Variants in NTNG1 observed in about 807,000 individuals in gnomAD.
The protein encoded by NTNG1 is netrin G1.
NTNG1 carries 16 observed loss-of-function variants against 54.0 expected under a neutral mutation model. That is an observed-to-expected ratio of 0.30 (90% CI 0.20 to 0.45). The LOEUF (loss-of-function observed/expected upper bound fraction) is 0.45, where lower values mean the gene tolerates loss of function less well. Ranked by LOEUF, NTNG1 falls within the 20% of genes least tolerant of loss-of-function variation. NTNG1 has a pLI of 1.00. For synonymous variants in NTNG1, 255 were observed against 263.1 expected, an observed-to-expected ratio of 0.97 and a Z score of 0.30; for missense variants, 530 against 678.7, an observed-to-expected ratio of 0.78 and a Z score of 2.43.
intron 2 of NTNG1, among the ~76,000 whole-genome samples, chr1:107,227,688 T>TCTCTCA (rs1043290563): frequency 1.3e-5 from 2 of 148,926 alleles, no homozygotes; most frequent in Non-Finnish European, 3.0e-5. Context: ...TCTCTCTCTC[T>TCTCTCA]CACACACACA....
chr1:107,277,170 C>T (rs1664534995), intron 2 of NTNG1, among the ~76,000 whole-genome samples: 2 of 152,230 alleles, frequency 1.3e-5, no homozygotes, highest in South Asian at 2.1e-4. Context: ...TTGTATCTCT[C>T]AGGAAGTGGC....
At chr1:107,274,995 T>C (rs1664370578) in intron 2 of NTNG1, among the ~76,000 whole-genome samples, 1 of 152,176 alleles carries the variant, frequency 6.6e-6, no homozygotes, top group Non-Finnish European at 1.5e-5. Flanking sequence ...TCTTACCATA[T>C]CTTTGTGCTT....
intron 2 of NTNG1, among the ~76,000 whole-genome samples, chr1:107,237,467 T>A (rs1661488878): frequency 1.3e-5 from 2 of 152,180 alleles, no homozygotes; most frequent in African/African-American, 4.8e-5. Context: ...CTGCAGAAAT[T>A]CACATAAGTA....
chr1:107,275,369 C>T (rs576739731), intron 2 of NTNG1, among the ~76,000 whole-genome samples: 7 of 151,558 alleles, frequency 4.6e-5, no homozygotes, highest in South Asian at 2.1e-4. Flanking sequence ...AGCGAGACTC[C>T]GTCTCAAAAA....
chr1:107,381,987 A>G (rs1166532534), intron 3 of NTNG1, among the ~76,000 whole-genome samples: 3 of 152,148 alleles, frequency 2.0e-5, no homozygotes, highest in African/African-American at 7.2e-5. Context: ...GCCAATTTTC[A>G]TAGTTGGTTT....
chr1:107,226,421 G>A (rs1202624920), intron 2 of NTNG1, among the ~76,000 whole-genome samples: 1 of 151,992 alleles, frequency 6.6e-6, no homozygotes, highest in Non-Finnish European at 1.5e-5. Context: ...CATTGTGTAA[G>A]ATAAGAATTT....
At chr1:107,162,624 G>C (rs1456825162) in intron 2 of NTNG1, among the ~76,000 whole-genome samples, 1 of 152,044 alleles carries the variant, frequency 6.6e-6, no homozygotes, top group Non-Finnish European at 1.5e-5. Context: ...TAAATTATGA[G>C]CAAATTTCTT....
intron 2 of NTNG1, among the ~76,000 whole-genome samples, chr1:107,251,533 C>A (rs894896435): frequency 3.3e-5 from 5 of 152,186 alleles, no homozygotes; most frequent in Non-Finnish European, 7.3e-5. Context: ...ACAAATCCCA[C>A]AAGTTCTGCA....
At position 107,398,036 on chromosome 1, in the gene NTNG1, G is replaced by A. The variant is rs191868241; in HGVS notation, c.1060+2710G>A. The stretch of plus-strand genomic sequence containing the variant: ...ACGTTACAAGTCAGTTATCTATGAG[G>A]GATACTTAGGATATATCATCCCCTA... On this transcript the variant is annotated intron_variant, in intron 4 of 7. Transcript: ENST00000370068. Among the ~76,000 whole-genome samples, 13 of 151,932 alleles carry A rather than the reference G, an allele frequency of 8.6e-5. No homozygotes were observed. The East Asian group carries it at 2.1e-3, about 25-fold the overall frequency.
chr1:107,353,766 A>G (rs956060756), intron 3 of NTNG1, among the ~76,000 whole-genome samples: 1 of 152,210 alleles, frequency 6.6e-6, no homozygotes, highest in Non-Finnish European at 1.5e-5. Flanking sequence ...TAAAGAAAAG[A>G]GATTTAACTG....
chr1:107,194,067 A>G lies in NTNG1; in HGVS notation c.246+45228A>G, dbSNP rs1220625091. 2.0e-5 allele frequency among the ~76,000 whole-genome samples: 3 copies of G among 151,906 alleles called. No homozygotes were observed. The East Asian group carries it at 5.8e-4, about 30-fold the overall frequency. The stretch of plus-strand genomic sequence containing the variant: ...TCTACCAAACTGCTTGAAATCATCA[A>G]CAGACCATGCATTCTGGTCTTTGTA... On this transcript the variant is annotated intron_variant, in intron 2 of 7. Coordinates refer to ENST00000370068, the MANE Select transcript of NTNG1 (RefSeq NM_001113226.3).
intron 3 of NTNG1, among the ~76,000 whole-genome samples, chr1:107,381,376 A>G (rs925574612): frequency 8.7e-6 from 1 of 115,204 alleles, no homozygotes; most frequent in Non-Finnish European, 1.9e-5. Context: ...AAAAAAAAAA[A>G]GTCACTTTAT....
intron 2 of NTNG1, among the ~76,000 whole-genome samples, chr1:107,264,853 C>T (rs1204433539): frequency 1.3e-5 from 2 of 152,292 alleles, no homozygotes; most frequent in African/African-American, 4.8e-5. Context: ...AGGAAACATA[C>T]ATTCACACAT....
At chr1:107,387,424 A>C (rs1343185374) in intron 3 of NTNG1, among the ~76,000 whole-genome samples, 2 of 152,226 alleles carry the variant, frequency 1.3e-5, no homozygotes, top group Non-Finnish European at 2.9e-5. Context: ...CTCAAAGCTT[A>C]CTGTGCATCT....
intron 7 of NTNG1, 28 bp from the exon 8 acceptor site, chr1:107,480,583 C>CCCCCCAAAAAA: frequency 1.3e-6 from 1 of 744,748 alleles, no homozygotes; most frequent in Non-Finnish European, 2.3e-6. Flanking sequence ...CGCGCCCACC[C>CCCCCCAAAAAA]ACCCCTACCT....
Position 107,324,316 on chromosome 1 carries a change from C to G in NTNG1, c.281C>G (p.Ala94Gly). Residue 94 changes from alanine (A) to glycine (G), a missense_variant, in exon 3 of 8, where the codon GCG becomes GGG. By Grantham distance (60) the Ala-to-Gly change is moderately conservative (BLOSUM62 0). This residue lies in a region of NTNG1 where 318 missense variants were observed against 465.1 expected (regional missense o/e 0.68). Coordinates refer to ENST00000370068, the MANE Select transcript of NTNG1 (RefSeq NM_001113226.3). ...NPYMCNNECDASTPELAHPPE... is the reference protein window; with the variant it reads ...NPYMCNNECDGSTPELAHPPE... Reference sequence around the variant, plus strand: ...TACATGTGCAATAATGAGTGTGATGCGAGTACCCCTGAGCTGGCACACCCC... The same window carrying G: ...TACATGTGCAATAATGAGTGTGATGGGAGTACCCCTGAGCTGGCACACCCC... 6.2e-7 allele frequency: 1 copy of G among 1,613,358 alleles called. No homozygotes were observed. The highest frequency in any genetic ancestry group is 8.5e-7 in the Non-Finnish European group (1 of 1,179,630).
intron 2 of NTNG1, among the ~76,000 whole-genome samples, chr1:107,229,865 G>T (rs1192505425): frequency 6.6e-6 from 1 of 152,112 alleles, no homozygotes; most frequent in Non-Finnish European, 1.5e-5. Context: ...GGAAGAAAAT[G>T]CAGTGGTTCC....
chr1:107,324,200 C>A, intron 2 of NTNG1, 82 bp from the exon 3 acceptor site: 1 of 1,282,816 alleles, frequency 7.8e-7, no homozygotes, highest in Non-Finnish European at 1.1e-6. Flanking sequence ...CCTTTTCTAG[C>A]CTCTTACTGA....
At chr1:107,356,586 G>A (rs1669949320) in intron 3 of NTNG1, among the ~76,000 whole-genome samples, 1 of 152,098 alleles carries the variant, frequency 6.6e-6, no homozygotes, top group Admixed American at 6.5e-5. Context: ...GAGCCACCAT[G>A]CCAGCCAGTC....
Sources: gnomAD v4.1 joint callset for allele counts (sites outside exome capture counted in the v4.1 genomes callset) on GRCh38, gnomAD v4.1.1 for gene constraint, gnomAD v4.1.1 regional missense constraint, MANE v1.5 for transcripts, NCBI Gene and HGNC (gene_info 2026-07-23, HGNC 2026-07-21) for gene names.